The following TAFA4 variants were observed in gnomAD, a reference collection of about 807,000 sequenced individuals.
The protein encoded by TAFA4 is TAFA chemokine like family member 4, also known as chemokine-like protein TAFA-4.
Under a neutral mutation model 21.1 loss-of-function variants are expected in TAFA4, and 20 were observed. That is an observed-to-expected ratio of 0.95 (90% CI 0.67 to 1.38). The LOEUF (loss-of-function observed/expected upper bound fraction) is 1.38, where lower values mean the gene tolerates loss of function less well. Ranked by LOEUF, TAFA4 falls within the 40% of genes most tolerant of loss-of-function variation. The probability of loss-of-function intolerance (pLI) is 0.00; values close to 1 mark genes in which losing one functional copy is unlikely to be tolerated. For synonymous variants in TAFA4, 71 were observed against 67.4 expected (o/e 1.05, Z -0.26); for missense variants, 211 against 180.9 (o/e 1.17, Z -0.95).
At position 68,744,723 on chromosome 3, in the gene TAFA4, GA is replaced by G. The variant is rs544907227; in HGVS notation, c.287-5525del. Reference sequence around the variant, plus strand: ...ACACTATGCCACTTCTTAACTACAGGAAAAAAAATCAGCATTTACCTAGTGT... The same window carrying G: ...ACACTATGCCACTTCTTAACTACAGGAAAAAAATCAGCATTTACCTAGTGT... On this transcript the variant is annotated intron_variant, in intron 4 of 5. Transcript: ENST00000295569. Among the ~76,000 whole-genome samples the G allele has an allele frequency of 2.3e-3, 352 of 151,490 alleles. 1 individual carries two copies. Among genetic ancestry groups the G allele is most frequent in the African/African-American group, 8.0e-3 (330 of 41,286 alleles).
At chr3:68,808,804 G>T (rs529795612) in intron 3 of TAFA4, among the ~76,000 whole-genome samples, 48 of 152,130 alleles carry the variant, frequency 3.2e-4, no homozygotes, top group Non-Finnish European at 5.7e-4. Context: ...CACAACAAGG[G>T]TTTACTTCTG....
chr3:68,755,112 C>G (rs1224580098), intron 3 of TAFA4, among the ~76,000 whole-genome samples: 1 of 152,174 alleles, frequency 6.6e-6, no homozygotes, highest in Non-Finnish European at 1.5e-5. Flanking sequence ...ATCGACATCT[C>G]CGATTCCAAT....
intron 1 of TAFA4, among the ~76,000 whole-genome samples, chr3:68,920,638 A>G (rs987685155): frequency 7.7e-6 from 1 of 130,120 alleles, no homozygotes; most frequent in African/African-American, 3.0e-5. Context: ...CTTTTTCTCT[A>G]ATTTTTTTTT....
At chr3:68,794,629 G>A (rs1157172810) in intron 3 of TAFA4, among the ~76,000 whole-genome samples, 1 of 152,044 alleles carries the variant, frequency 6.6e-6, no homozygotes, top group Non-Finnish European at 1.5e-5. Flanking sequence ...TCTCACTAGT[G>A]AACGGCTATG....
intron 1 of TAFA4, among the ~76,000 whole-genome samples, chr3:68,902,558 T>C (rs1274940261): frequency 6.6e-6 from 1 of 152,068 alleles, no homozygotes; most frequent in Non-Finnish European, 1.5e-5. Flanking sequence ...TGTAAAGACA[T>C]GGTTTCACCA....
intron 3 of TAFA4, among the ~76,000 whole-genome samples, chr3:68,812,240 T>C (rs1383079685): frequency 1.3e-5 from 2 of 152,128 alleles, no homozygotes; most frequent in Non-Finnish European, 2.9e-5. Flanking sequence ...GTAAAGACCA[T>C]TGAGGCAAGG....
chr3:68,809,654 CT>C (rs1013315453), intron 3 of TAFA4, among the ~76,000 whole-genome samples: 1 of 151,644 alleles, frequency 6.6e-6, no homozygotes, highest in African/African-American at 2.4e-5. Flanking sequence ...TGTCATAAAG[CT>C]TTTCCCCGTT....
chr3:68,833,745 G>A (rs1158294275), intron 3 of TAFA4, among the ~76,000 whole-genome samples: 2 of 152,172 alleles, frequency 1.3e-5, no homozygotes, highest in East Asian at 3.9e-4. Flanking sequence ...ACACTTTCAT[G>A]GATAAGTTTT....
chr3:68,912,235 A>G (rs530531662), intron 1 of TAFA4, among the ~76,000 whole-genome samples: 9 of 152,248 alleles, frequency 5.9e-5, no homozygotes, highest in African/African-American at 2.2e-4. Context: ...CACAGGGAAG[A>G]CCTGAAAACC....
chr3:68,825,347 T>C (rs1479624116), intron 3 of TAFA4, among the ~76,000 whole-genome samples: 2 of 152,250 alleles, frequency 1.3e-5, no homozygotes, highest in Admixed American at 1.3e-4. Context: ...AATGTATATG[T>C]ACTACATTTT....
chr3:68,842,040 A>C (rs1704678138), intron 3 of TAFA4, among the ~76,000 whole-genome samples: 2 of 152,188 alleles, frequency 1.3e-5, no homozygotes, highest in African/African-American at 4.8e-5. Context: ...AGAATGATTT[A>C]TAATCCTTTG....
At position 68,765,360 on chromosome 3, in the gene TAFA4, T is replaced by G. The variant is rs569464474; in HGVS notation, c.131-12342A>C. ...ATATTTGTATTGTTAACATCTTCCC[T>G]TAGGAAATTTTGTTCTATTTTAGCC... On this transcript the variant is annotated intron_variant, in intron 3 of 5. Transcript: ENST00000295569. Among the ~76,000 whole-genome samples, 27 of 152,288 alleles carry G rather than the reference T, an allele frequency of 1.8e-4. No individual in the cohort carries two copies. In the South Asian group the frequency reaches 5.6e-3, roughly 32 times the overall value.
chr3:68,852,748 A>G (rs1704979280), intron 3 of TAFA4, among the ~76,000 whole-genome samples: 1 of 152,180 alleles, frequency 6.6e-6, no homozygotes, highest in Non-Finnish European at 1.5e-5. Context: ...TTCACTAACA[A>G]AGTTCCCAAA....
intron 3 of TAFA4, among the ~76,000 whole-genome samples, chr3:68,846,708 G>A (rs1219540611): frequency 6.6e-6 from 1 of 152,112 alleles, no homozygotes; most frequent in African/African-American, 2.4e-5. Flanking sequence ...CTTTCTGTGT[G>A]GATGTCCTTT....
intron 3 of TAFA4, among the ~76,000 whole-genome samples, chr3:68,779,412 G>C (rs761476193): frequency 5.3e-5 from 8 of 152,176 alleles, no homozygotes; most frequent in Non-Finnish European, 7.3e-5. Context: ...TGTCTCCAGG[G>C]CATGTCAGAT....
chr3:68,858,610 G>A (rs1212194939), intron 3 of TAFA4, among the ~76,000 whole-genome samples: 1 of 150,350 alleles, frequency 6.7e-6, no homozygotes, highest in Non-Finnish European at 1.5e-5. Flanking sequence ...GTGTGTGTGT[G>A]TCTTTAAGGC....
At chr3:68,757,534 AT>A (rs1379668564) in intron 3 of TAFA4, among the ~76,000 whole-genome samples, 1 of 152,146 alleles carries the variant, frequency 6.6e-6, no homozygotes, top group South Asian at 2.1e-4. Context: ...TGAAAAATAT[AT>A]GTGTCAGCAA....
rs111533088 is a variant in TAFA4, at chr3:68,781,091, A to G, written c.131-28073T>C. On this transcript the variant is annotated intron_variant, in intron 3 of 5. Transcript: ENST00000295569. ...AAAGTATTTTAGAATATGTTTTAATACAATGAAAATAAAAATAGAACATAT... is the reference window on the plus strand; with the variant it reads ...AAAGTATTTTAGAATATGTTTTAATGCAATGAAAATAAAAATAGAACATAT... 6.6e-5 allele frequency among the ~76,000 whole-genome samples: 10 copies of G among 152,230 alleles called. 1 individual carries two copies. Among genetic ancestry groups the G allele is most frequent in the African/African-American group, 2.4e-4 (10 of 41,590 alleles).
intron 1 of TAFA4, among the ~76,000 whole-genome samples, chr3:68,905,461 C>T (rs1001741140): frequency 6.6e-5 from 10 of 152,106 alleles, no homozygotes; most frequent in Non-Finnish European, 7.3e-5. Context: ...AGCCACTGCG[C>T]CCGGCCGGTC....
Sources: allele counts gnomAD v4.1 joint callset (sites outside exome capture counted in the v4.1 genomes callset), GRCh38; gene constraint gnomAD v4.1.1; transcripts MANE v1.5; gene names NCBI Gene and HGNC (gene_info 2026-07-23, HGNC 2026-07-21).